The following VAMP7 variants were observed in gnomAD, a reference collection of about 807,000 sequenced individuals.
VAMP7 encodes vesicle-associated membrane protein 7.
Under a neutral mutation model 29.6 loss-of-function variants are expected in VAMP7, and 14 were observed. The ratio of observed to expected loss-of-function variants is 0.47; its 90% CI spans 0.31 to 0.74. VAMP7 has a LOEUF of 0.74. Ranked by LOEUF, VAMP7 falls within the 30% of genes least tolerant of loss-of-function variation. The probability of loss-of-function intolerance (pLI) is 0.05; values close to 1 mark genes in which losing one functional copy is unlikely to be tolerated. For synonymous variants in VAMP7, 95 were observed against 88.1 expected, an observed-to-expected ratio of 1.08 and a Z score of -0.44; for missense variants, 223 against 262.4, an observed-to-expected ratio of 0.85 and a Z score of 1.04.
At chrX:155,938,470 A>G (rs1314180849) in intron 6 of VAMP7, among the ~76,000 whole-genome samples, 1 of 178 alleles carries the variant, frequency 5.6e-3, no homozygotes, top group Non-Finnish European at 0.01. Context: ...TATAATATAC[A>G]TAAAGTGCAT....
chrX:155,929,670 T>G (rs938074347), intron 6 of VAMP7, among the ~76,000 whole-genome samples: 2 of 152,156 alleles, frequency 1.3e-5, no homozygotes, highest in African/African-American at 4.8e-5. Flanking sequence ...TCCCAGATAT[T>G]CTTGTCCCGT....
chrX:155,887,721 G>C (rs1482372513), intron 1 of VAMP7, among the ~76,000 whole-genome samples: 1 of 151,938 alleles, frequency 6.6e-6, no homozygotes, highest in Non-Finnish European at 1.5e-5. Flanking sequence ...TTGAGCCCGG[G>C]AGTTCAAGAC....
intron 6 of VAMP7, among the ~76,000 whole-genome samples, chrX:155,932,825 A>C (rs1225847145): frequency 3.3e-5 from 5 of 152,172 alleles, no homozygotes; most frequent in Non-Finnish European, 5.9e-5. Flanking sequence ...CCCATTCAGT[A>C]TGATATTGGC....
chrX:155,920,578 C>T (rs1220938779), intron 6 of VAMP7, among the ~76,000 whole-genome samples: 1 of 152,164 alleles, frequency 6.6e-6, no homozygotes, highest in East Asian at 1.9e-4. Context: ...TTGTGACTGA[C>T]AGCTGGATTG....
At chrX:155,923,941 G>T (rs1302764166) in intron 6 of VAMP7, among the ~76,000 whole-genome samples, 3 of 152,078 alleles carry the variant, frequency 2.0e-5, no homozygotes, top group Non-Finnish European at 2.9e-5. Flanking sequence ...GTTTGTTTTG[G>T]ATCTTTTTTA....
intron 6 of VAMP7, among the ~76,000 whole-genome samples, chrX:155,939,426 C>A (rs1219228469): frequency 6.6e-6 from 1 of 152,056 alleles, no homozygotes; most frequent in Admixed American, 6.6e-5. Context: ...TTTCCACTAG[C>A]GGGAAGAACC....
At chrX:155,909,949 A>G (rs371519410) in intron 5 of VAMP7, among the ~76,000 whole-genome samples, 132 of 152,362 alleles carry the variant, frequency 8.7e-4, no homozygotes, top group African/African-American at 2.9e-3. Context: ...TGATGGGAAC[A>G]TTTCAAATTC....
In VAMP7 at chrX:155,941,897, C is replaced by G; in HGVS notation, c.609C>G (p.Ile203Met). The G allele has an allele frequency of 6.2e-7, 1 of 1,613,692 alleles. No individual in the cohort carries two copies. The highest frequency in any genetic ancestry group is 1.1e-5 in the South Asian group (1 of 91,032). ...IIIVSIVFIY[I>M]IVSPLCGGFT... ...CGTCCCTCCAGGTGTTCATCTATAT[C>G]ATTGTTTCACCTCTCTGTGGTGGAT... Residue 203 changes from isoleucine (I) to methionine (M), a missense_variant, in exon 8 of 8, where the codon ATC becomes ATG. Ile to Met is a conservative substitution (Grantham distance 10). Transcript: ENST00000286448.
chrX:155,920,775 G>A (rs1883052), intron 6 of VAMP7, among the ~76,000 whole-genome samples: 5,519 of 152,240 alleles, frequency 0.036, 329 homozygotes, highest in African/African-American at 0.13. Flanking sequence ...TGCATGTAAA[G>A]TGCCTAACAC....
intron 5 of VAMP7, among the ~76,000 whole-genome samples, chrX:155,915,592 T>A (rs1407622317): frequency 6.6e-6 from 1 of 152,186 alleles, no homozygotes; most frequent in Admixed American, 6.5e-5. Context: ...TCAAAAAACT[T>A]ATTTATTTCT....
chrX:155,899,124 A>G (rs1050537161), intron 4 of VAMP7, among the ~76,000 whole-genome samples: 3 of 151,870 alleles, frequency 2.0e-5, no homozygotes, highest in Non-Finnish European at 2.9e-5. Flanking sequence ...CTTTGTGTGG[A>G]CATATGTTTT....
At chrX:155,909,325 C>T (rs865847195) in intron 5 of VAMP7, among the ~76,000 whole-genome samples, 39 of 152,204 alleles carry the variant, frequency 2.6e-4, no homozygotes, top group Middle Eastern at 6.8e-3. Context: ...GTGGTGATGT[C>T]TCCTCTTTCA....
At chrX:155,891,642 C>T (rs771296821) in intron 2 of VAMP7, among the ~76,000 whole-genome samples, 1 of 152,338 alleles carries the variant, frequency 6.6e-6, no homozygotes, top group African/African-American at 2.4e-5. Context: ...AATTGCCTCA[C>T]ACAATTTCAA....
At chrX:155,909,131 G>T (rs2066196717) in intron 5 of VAMP7, among the ~76,000 whole-genome samples, 1 of 152,118 alleles carries the variant, frequency 6.6e-6, no homozygotes, top group Admixed American at 6.5e-5. Context: ...CCGGCCTGAA[G>T]TTTTAAAATT....
intron 4 of VAMP7, 38 bp from the exon 5 acceptor site, chrX:155,900,459 T>A (rs1394074372): frequency 1.3e-6 from 2 of 1,494,288 alleles, no homozygotes; most frequent in Non-Finnish European, 1.8e-6. Context: ...TTGTAAATAA[T>A]GTCTAGGTAC....
chrX:155,918,072 C>T (rs2066338385), intron 5 of VAMP7, among the ~76,000 whole-genome samples: 1 of 152,068 alleles, frequency 6.6e-6, no homozygotes, highest in Non-Finnish European at 1.5e-5. Context: ...TGGGCTCTCC[C>T]CGGTTCAAAC....
chrX:155,927,786 G>T, intron 6 of VAMP7, among the ~76,000 whole-genome samples: 2 of 143,858 alleles, frequency 1.4e-5, no homozygotes, highest in Non-Finnish European at 1.5e-5. Context: ...TTTTTAAAGT[G>T]AGTGCTTTAA....
At chrX:155,938,282 T>G (rs982949572) in intron 6 of VAMP7, among the ~76,000 whole-genome samples, 39 of 152,166 alleles carry the variant, frequency 2.6e-4, no homozygotes, top group Non-Finnish European at 5.7e-4. Context: ...TATATTTAGC[T>G]CTAGATGTAA....
intron 6 of VAMP7, among the ~76,000 whole-genome samples, chrX:155,933,177 G>A (rs917519719): frequency 4.6e-5 from 7 of 152,130 alleles, no homozygotes; most frequent in Non-Finnish European, 1.0e-4. Context: ...TTTGTGTTGT[G>A]TCTCTGCCAG....
Sources: gnomAD v4.1 joint callset for allele counts (sites outside exome capture counted in the v4.1 genomes callset) on GRCh38, gnomAD v4.1.1 for gene constraint, MANE v1.5 for transcripts, NCBI Gene and HGNC (gene_info 2026-07-23, HGNC 2026-07-21) for gene names.